The following ANGPT1 variants were observed in gnomAD, a reference collection of about 807,000 sequenced individuals.
ANGPT1 encodes angiopoietin-1.
Under a neutral mutation model 62.2 loss-of-function variants are expected in ANGPT1, and 17 were observed. The observed-to-expected ratio is 0.27, with a 90% CI of 0.19 to 0.41. The LOEUF (loss-of-function observed/expected upper bound fraction) is 0.41. Among genes scored for constraint, ANGPT1 ranks in the 10% least tolerant of loss-of-function variants. ANGPT1 has a pLI of 1.00. For missense variants in ANGPT1, 478 were observed against 594.9 expected (o/e 0.80, Z 2.04); for synonymous variants, 199 against 198.9 (o/e 1.00, Z 0.00).
At chr8:107,377,485 C>G (rs975745751) in intron 1 of ANGPT1, among the ~76,000 whole-genome samples, 15 of 152,250 alleles carry the variant, frequency 9.9e-5, no homozygotes, top group African/African-American at 3.6e-4. Flanking sequence ...CCAAACCTTA[C>G]CTAGGGACTT....
At chr8:107,299,648 A>T (rs1814517694) in intron 5 of ANGPT1, among the ~76,000 whole-genome samples, 1 of 137,524 alleles carries the variant, frequency 7.3e-6, no homozygotes, top group Admixed American at 7.6e-5. Context: ...TATAGATATA[A>T]ATATCTATAT....
At chr8:107,475,311 C>G (rs1308204120) in intron 1 of ANGPT1, among the ~76,000 whole-genome samples, 1 of 152,098 alleles carries the variant, frequency 6.6e-6, no homozygotes, top group Non-Finnish European at 1.5e-5. Flanking sequence ...CTTTGATAAA[C>G]CTGACAAAAA....
chr8:107,337,099 A>T (rs1815585850), intron 2 of ANGPT1, among the ~76,000 whole-genome samples: 1 of 152,184 alleles, frequency 6.6e-6, no homozygotes, highest in Admixed American at 6.5e-5. Context: ...ATCAAAGGAG[A>T]AATTGTTATC....
chr8:107,286,168 CAACT>C (rs1814135404), intron 6 of ANGPT1, among the ~76,000 whole-genome samples: 1 of 152,094 alleles, frequency 6.6e-6, no homozygotes, highest in Admixed American at 6.6e-5. Context: ...CCTCCTCTGC[CAACT>C]GAGTTACTTA....
At chr8:107,374,293 T>C (rs914678579) in intron 1 of ANGPT1, among the ~76,000 whole-genome samples, 4 of 152,228 alleles carry the variant, frequency 2.6e-5, no homozygotes, top group African/African-American at 9.6e-5. Context: ...TTATCAGATA[T>C]CTTTATCAGG....
At chr8:107,409,547 C>A (rs1358225984) in intron 1 of ANGPT1, among the ~76,000 whole-genome samples, 1 of 152,114 alleles carries the variant, frequency 6.6e-6, no homozygotes, top group African/African-American at 2.4e-5. Flanking sequence ...TCAGTTATCC[C>A]TTCCTTGAGA....
intron 7 of ANGPT1, among the ~76,000 whole-genome samples, chr8:107,280,701 G>C (rs1308034893): frequency 1.3e-5 from 2 of 152,192 alleles, no homozygotes; most frequent in Non-Finnish European, 2.9e-5. Context: ...GTTAGGGAGA[G>C]TGTATGGCAG....
intron 5 of ANGPT1, among the ~76,000 whole-genome samples, chr8:107,300,270 G>T (rs1009998368): frequency 1.3e-5 from 2 of 150,646 alleles, no homozygotes; most frequent in African/African-American, 4.9e-5. Context: ...TTACTTTTGA[G>T]GAAATTCACA....
intron 1 of ANGPT1, among the ~76,000 whole-genome samples, chr8:107,354,156 G>T (rs1028559513): frequency 6.6e-6 from 1 of 152,074 alleles, no homozygotes; most frequent in Non-Finnish European, 1.5e-5. Flanking sequence ...TTCTCTCTTT[G>T]CATAAGCGAA....
chr8:107,319,082 G>C (rs1032480849), intron 4 of ANGPT1, among the ~76,000 whole-genome samples: 1 of 152,146 alleles, frequency 6.6e-6, no homozygotes, highest in African/African-American at 2.4e-5. Flanking sequence ...ACTGAATCTT[G>C]TCCATCGAAG....
chr8:107,490,726 T>A (rs1240113825), intron 1 of ANGPT1, among the ~76,000 whole-genome samples: 1 of 152,250 alleles, frequency 6.6e-6, no homozygotes, highest in African/African-American at 2.4e-5. Context: ...TTGCAACTCC[T>A]CAATTCTGCT....
intron 1 of ANGPT1, among the ~76,000 whole-genome samples, chr8:107,373,763 C>T (rs1816466084): frequency 6.6e-6 from 1 of 152,162 alleles, no homozygotes; most frequent in Non-Finnish European, 1.5e-5. Context: ...ACAACCTGGG[C>T]TTTCAGGAAA....
intron 2 of ANGPT1, among the ~76,000 whole-genome samples, chr8:107,341,023 C>A (rs1274396609): frequency 2.0e-5 from 3 of 152,068 alleles, no homozygotes; most frequent in Non-Finnish European, 4.4e-5. Flanking sequence ...TAATAATGGA[C>A]AATGTGACCA....
chr8:107,330,295 T>A (rs1815390799), intron 3 of ANGPT1, among the ~76,000 whole-genome samples: 1 of 152,040 alleles, frequency 6.6e-6, no homozygotes, highest in African/African-American at 2.4e-5. Flanking sequence ...ACACATAGAG[T>A]CTATGTAAGT....
chr8:107,450,689 C>T (rs1811747988), intron 1 of ANGPT1, among the ~76,000 whole-genome samples: 1 of 141,162 alleles, frequency 7.1e-6, no homozygotes, highest in Non-Finnish European at 1.5e-5. Context: ...TTGCCAAGAA[C>T]ATTCAAATGG....
intron 1 of ANGPT1, among the ~76,000 whole-genome samples, chr8:107,487,426 G>GA (rs1035749151): frequency 1.1e-4 from 16 of 151,898 alleles, no homozygotes; most frequent in African/African-American, 3.6e-4. Context: ...TTGGAAGCCA[G>GA]AAAAAATATT....
intron 5 of ANGPT1, among the ~76,000 whole-genome samples, chr8:107,300,818 C>T (rs1814568968): frequency 6.6e-6 from 1 of 151,902 alleles, no homozygotes; most frequent in African/African-American, 2.4e-5. Context: ...TATTTAAAAT[C>T]CACCATTTTG....
intron 5 of ANGPT1, 177 bp from the exon 6 acceptor site, chr8:107,294,214 TTTGAG>T (rs1201006896): frequency 1.5e-5 from 7 of 452,514 alleles, no homozygotes; most frequent in African/African-American, 4.1e-5. Context: ...CTGATTCATA[TTTGAG>T]TTATTTCTGA....
chr8:107,357,435 A>G (rs1021844532), intron 1 of ANGPT1, among the ~76,000 whole-genome samples: 1 of 152,180 alleles, frequency 6.6e-6, no homozygotes, highest in African/African-American at 2.4e-5. Context: ...TCTGAAATGC[A>G]ATTTAACCCC....
Sources: gnomAD v4.1 joint callset for allele counts (sites outside exome capture counted in the v4.1 genomes callset) on GRCh38, gnomAD v4.1.1 for gene constraint, MANE v1.5 for transcripts, NCBI Gene and HGNC (gene_info 2026-07-23, HGNC 2026-07-21) for gene names.